Variants in NCKAP1 observed in about 807,000 individuals in gnomAD.
NCKAP1 encodes NCK associated protein 1.
In NCKAP1, 21 loss-of-function variants were observed where a neutral mutation model predicts 151.2. The ratio of observed to expected loss-of-function variants is 0.14; its 90% CI spans 0.10 to 0.20. The LOEUF (loss-of-function observed/expected upper bound fraction) is 0.20, where lower values mean the gene tolerates loss of function less well. Ranked by LOEUF, NCKAP1 falls within the 10% of genes least tolerant of loss-of-function variation. The pLI is 1.00. For missense variants in NCKAP1, 933 were observed against 1,352.1 expected, an observed-to-expected ratio of 0.69 and a Z score of 4.86; for synonymous variants, 484 against 451.8, an observed-to-expected ratio of 1.07 and a Z score of -0.90.
chr2:183,001,899 C>G, intron 6 of NCKAP1, 54 bp downstream of exon 6: 1 of 1,455,946 alleles, frequency 6.9e-7, no homozygotes, highest in Non-Finnish European at 9.6e-7. Flanking sequence ...AACCATCCAT[C>G]CTCATGCTAT....
intron 7 of NCKAP1, 23 bp downstream of exon 7, chr2:182,995,678 A>C (rs781629644): frequency 1.9e-6 from 3 of 1,592,920 alleles, no homozygotes; most frequent in South Asian, 2.3e-5. Context: ...ATTTTCATTC[A>C]AAAGAGAAAA....
rs1057038342 is a variant in NCKAP1 at position 182,921,759 on chromosome 2, G to A, written c.*3943C>T. 2 of 152,102 alleles carry A rather than the reference G, an allele frequency of 1.3e-5. No homozygotes were observed. Among genetic ancestry groups the A allele is most frequent in the African/African-American group, 4.8e-5 (2 of 41,404 alleles). 9.4% of individuals were successfully genotyped at this position (152,102 alleles called of 1,614,324 possible). Reference sequence around the variant, plus strand: ...TCCAGAGTTAGACATGTTTACTCTGGACAGTCAAGGACAGCGATGTGTAGG... The same window carrying A: ...TCCAGAGTTAGACATGTTTACTCTGAACAGTCAAGGACAGCGATGTGTAGG... On this transcript the variant is annotated 3_prime_UTR_variant, in exon 31 of 31. Transcript: ENST00000361354.
intron 24 of NCKAP1, among the ~76,000 whole-genome samples, chr2:182,940,694 C>G (rs551361666): frequency 6.6e-6 from 1 of 152,232 alleles, no homozygotes; most frequent in Non-Finnish European, 1.5e-5. Context: ...CCTGCCTTGG[C>G]TCCCAATGTG....
At chr2:182,966,450 C>T (rs1159435856) in intron 16 of NCKAP1, among the ~76,000 whole-genome samples, 1 of 152,184 alleles carries the variant, frequency 6.6e-6, no homozygotes. Flanking sequence ...CCACGTCCGA[C>T]TAATTTTTCT....
chr2:182,993,784 A>T lies in NCKAP1; in HGVS notation c.790+1055T>A, dbSNP rs570388052. 4.3e-4 allele frequency among the ~76,000 whole-genome samples: 65 copies of T among 152,296 alleles called. 1 individual carries two copies. The highest frequency in any genetic ancestry group is 1.5e-3 in the African/African-American group (63 of 41,558). ...ATGCTTATTACCTGGGTGACAAAAT[A>T]ATCTGTACACCAAACCCCCATGACA... On this transcript the variant is annotated intron_variant, in intron 8 of 30. Coordinates refer to ENST00000361354, the MANE Select transcript of NCKAP1 (RefSeq NM_013436.5).
At position 182,976,876 on chromosome 2, in the gene NCKAP1, T is replaced by C. The variant is rs769094807; in HGVS notation, c.1482+17A>G. 2.1e-6 allele frequency: 3 copies of C among 1,448,674 alleles called. No homozygotes were observed. Among genetic ancestry groups the C allele is most frequent in the Admixed American group, 2.6e-5 (1 of 39,170 alleles). The allele number at this position is 1,448,674 out of a possible 1,614,324, so 89.7% of individuals were successfully genotyped here. Reference sequence around the variant, plus strand: ...CTAAAATAACAAAACAGAATGACAATAAAAGGTTATTCTTACCTGTAACCT... The same window carrying C: ...CTAAAATAACAAAACAGAATGACAACAAAAGGTTATTCTTACCTGTAACCT... On this transcript the variant is annotated intron_variant, in intron 15 of 30. Transcript: ENST00000361354.
At position 182,915,186 on chromosome 2, in the gene NCKAP1, T is replaced by C. The variant is rs1166769321; in HGVS notation, c.*10516A>G. On this transcript the variant is annotated 3_prime_UTR_variant, in exon 31 of 31. Transcript: ENST00000361354. ...AATGAAGCAAAGCAGATTTCTAGAC[T>C]AGGCTTCACATAGGGTGGCTTGCAG... The C allele has an allele frequency of 1.3e-5, 2 of 152,236 alleles. No homozygotes were observed. The highest frequency in any genetic ancestry group is 4.8e-5 in the African/African-American group (2 of 41,466). 9.4% of individuals were successfully genotyped at this position (152,236 alleles called of 1,614,324 possible). A position where few individuals can be genotyped will look rare whatever the true frequency, so the allele number is the denominator to read the frequency against.
At chr2:182,985,454 T>C (rs1034043844) in intron 10 of NCKAP1, among the ~76,000 whole-genome samples, 3 of 151,568 alleles carry the variant, frequency 2.0e-5, no homozygotes, top group Non-Finnish European at 2.9e-5. Flanking sequence ...TCACTTAGGA[T>C]ATCTATATAT....
chr2:183,038,047 G>C lies in NCKAP1; in HGVS notation c.53C>G (p.Thr18Ser), dbSNP rs1559116133. 2 of 1,588,166 alleles carry C rather than the reference G, an allele frequency of 1.3e-6. No homozygotes were observed. Among genetic ancestry groups the C allele is most frequent in the Non-Finnish European group, 1.7e-6 (2 of 1,174,176 alleles). ...GCCGACGCCCCGGTCGTTGAGGATG[G>C]TGAGCTTCTCCGCCAGCTTCTGCTG... ...PSQQKLAEKL[T>S]ILNDRGVGML... Residue 18 changes from threonine to serine, a missense_variant, in exon 1 of 31, where the codon ACC becomes AGC. Physicochemically the swap from Thr to Ser is moderately conservative, Grantham distance 58. This residue lies in a region of NCKAP1 where 607 missense variants were observed against 795.0 expected (regional missense o/e 0.76). Coordinates refer to ENST00000361354, the MANE Select transcript of NCKAP1 (RefSeq NM_013436.5).
At chr2:182,962,079 TA>T in intron 18 of NCKAP1, 79 bp downstream of exon 18, 1 of 1,431,840 alleles carries the variant, frequency 7.0e-7, no homozygotes, top group Non-Finnish European at 9.5e-7. Context: ...GAATGGAAAG[TA>T]AAACAACAAC....
intron 26 of NCKAP1, among the ~76,000 whole-genome samples, chr2:182,931,013 T>G (rs1160932069): frequency 6.6e-6 from 1 of 152,122 alleles, no homozygotes; most frequent in African/African-American, 2.4e-5. Context: ...AAACAAAACT[T>G]GTATACTTTC....
intron 8 of NCKAP1, among the ~76,000 whole-genome samples, chr2:182,989,713 A>T (rs530521412): frequency 1.2e-4 from 18 of 151,028 alleles, no homozygotes; most frequent in South Asian, 6.3e-4. Context: ...CTCAAAAAAA[A>T]TTTTTTTTTA....
chr2:182,955,747 A>T, intron 20 of NCKAP1, among the ~76,000 whole-genome samples: 1 of 152,202 alleles, frequency 6.6e-6, no homozygotes, highest in East Asian at 1.9e-4. Context: ...TATATATTTA[A>T]TGCACACAGT....
At chr2:182,986,726 G>T (rs539066628) in intron 9 of NCKAP1, among the ~76,000 whole-genome samples, 2 of 152,184 alleles carry the variant, frequency 1.3e-5, no homozygotes, top group South Asian at 2.1e-4. Flanking sequence ...AAAAGCATTT[G>T]CCGACTTCAA....
chr2:182,948,740 G>A (rs1167888098), intron 23 of NCKAP1, among the ~76,000 whole-genome samples: 1 of 152,166 alleles, frequency 6.6e-6, no homozygotes, highest in African/African-American at 2.4e-5. Flanking sequence ...TTTAAGGTTA[G>A]CATAAGTGAA....
At chr2:182,989,260 G>GA in intron 8 of NCKAP1, 74 bp from the exon 9 acceptor site, 1 of 1,193,960 alleles carries the variant, frequency 8.4e-7, no homozygotes, top group Non-Finnish European at 1.2e-6. Context: ...TGTAGCTTTT[G>GA]AAAAATACAG....
intron 27 of NCKAP1, 152 bp downstream of exon 27, chr2:182,930,543 T>C: frequency 1.6e-6 from 1 of 641,830 alleles, no homozygotes; most frequent in Non-Finnish European, 2.7e-6. Context: ...TTTTATGCAC[T>C]GATATAGTCC....
Position 182,912,396 on chromosome 2 carries a change from A to G in NCKAP1, c.*13306T>C, listed in dbSNP as rs2105785118. 1 of 152,312 alleles carries G rather than the reference A, an allele frequency of 6.6e-6. No homozygotes were observed. Among genetic ancestry groups the G allele is most frequent in the Admixed American group, 6.5e-5 (1 of 15,296 alleles). 9.4% of individuals were successfully genotyped at this position (152,312 alleles called of 1,614,324 possible). The stretch of plus-strand genomic sequence containing the variant: ...GCTAAAAAGCCAGCAAAGATCAAAG[A>G]GTTTTCACATGAGCTCTCTATGTGG... On this transcript the variant is annotated 3_prime_UTR_variant, in exon 31 of 31. Coordinates refer to ENST00000361354, the MANE Select transcript of NCKAP1 (RefSeq NM_013436.5).
chr2:182,967,812 T>C (rs6711655), intron 15 of NCKAP1, among the ~76,000 whole-genome samples: 15,442 of 152,230 alleles, frequency 0.1, 950 homozygotes, highest in Non-Finnish European at 0.14. Flanking sequence ...TACACTGTAT[T>C]AATTTGACAA....
Sources: gnomAD v4.1 joint callset for allele counts (sites outside exome capture counted in the v4.1 genomes callset) on GRCh38, gnomAD v4.1.1 for gene constraint, gnomAD v4.1.1 regional missense constraint, MANE v1.5 for transcripts, NCBI Gene and HGNC (gene_info 2026-07-23, HGNC 2026-07-21) for gene names.